Variants in GLT1D1 observed in about 807,000 individuals in gnomAD.
The protein encoded by GLT1D1 is glycosyltransferase 1 domain containing 1.
In GLT1D1, 21 loss-of-function variants were observed where a neutral mutation model predicts 28.7. The ratio of observed to expected loss-of-function variants is 0.73; its 90% CI spans 0.52 to 1.05. The LOEUF (loss-of-function observed/expected upper bound fraction) is 1.05, where lower values mean the gene tolerates loss of function less well. GLT1D1 is among the 50% of genes least tolerant of loss of function. The pLI is 0.00. For missense variants in GLT1D1, 343 were observed against 330.6 expected (o/e 1.04, Z -0.29); for synonymous variants, 147 against 124.8 (o/e 1.18, Z -1.19).
intron 4 of GLT1D1, 35 bp downstream of exon 4, chr12:128,899,322 G>A (rs767051067): frequency 6.3e-7 from 1 of 1,589,778 alleles, no homozygotes; most frequent in Non-Finnish European, 8.6e-7. Context: ...TTTTGGTTGT[G>A]CTGATGAAAT....
At chr12:128,934,198 CTTTTTT>C (rs1228657723) in intron 4 of GLT1D1, among the ~76,000 whole-genome samples, 1 of 73,414 alleles carries the variant, frequency 1.4e-5, no homozygotes, top group African/African-American at 4.4e-5. Context: ...AAGAGACAGT[CTTTTTT>C]TTTTTTTTTT....
intron 4 of GLT1D1, among the ~76,000 whole-genome samples, chr12:128,919,345 G>A (rs1872419067): frequency 6.6e-6 from 1 of 152,186 alleles, no homozygotes; most frequent in South Asian, 2.1e-4. Flanking sequence ...AAATCAGGGG[G>A]AGTGGGTGGG....
intron 4 of GLT1D1, among the ~76,000 whole-genome samples, chr12:128,904,979 G>A (rs1017935510): frequency 6.6e-6 from 1 of 152,118 alleles, no homozygotes; most frequent in Admixed American, 6.6e-5. Context: ...ATGTTGGCCA[G>A]GCTGGTCTCG....
chr12:128,942,580 T>A (rs35734875), intron 4 of GLT1D1, among the ~76,000 whole-genome samples: 20,133 of 151,602 alleles, frequency 0.13, 3,786 homozygotes, highest in African/African-American at 0.42. Context: ...GTTTCATTTG[T>A]TCTGGCACCA....
At chr12:128,943,197 C>T (rs1875558840) in intron 4 of GLT1D1, among the ~76,000 whole-genome samples, 1 of 152,196 alleles carries the variant, frequency 6.6e-6, no homozygotes, top group African/African-American at 2.4e-5. Flanking sequence ...CCTGGTTAAC[C>T]TATTGTGTAA....
intron 4 of GLT1D1, chr12:128,930,125 T>G (rs1462921410): frequency 6.6e-6 from 1 of 152,226 alleles, no homozygotes; most frequent in Non-Finnish European, 1.5e-5. Context: ...GTGCTAGCAT[T>G]GTAGTAGTAA....
At chr12:128,878,050 C>T (rs911764094) in intron 2 of GLT1D1, among the ~76,000 whole-genome samples, 1 of 152,208 alleles carries the variant, frequency 6.6e-6, no homozygotes, top group African/African-American at 2.4e-5. Flanking sequence ...TGGAATTTGC[C>T]TTATTTTTCA....
intron 4 of GLT1D1, among the ~76,000 whole-genome samples, chr12:128,941,905 C>CTCTCTCTTTTTTTTTTTTTTTTTTTT (rs1875313792): frequency 1.3e-5 from 1 of 75,366 alleles, no homozygotes; most frequent in African/African-American, 5.5e-5. Flanking sequence ...CTCTCTCTCT[C>CTCTCTCTTTTTTTTTTTTTTTTTTTT]TTTTTTTTTT....
intron 4 of GLT1D1, among the ~76,000 whole-genome samples, chr12:128,903,826 G>A (rs1051905361): frequency 2.0e-5 from 3 of 151,792 alleles, no homozygotes; most frequent in Non-Finnish European, 4.4e-5. Flanking sequence ...TGCCTCCCAA[G>A]TTCAAGCTAT....
chr12:128,933,283 G>T (rs555606196), intron 4 of GLT1D1, among the ~76,000 whole-genome samples: 10 of 152,264 alleles, frequency 6.6e-5, no homozygotes, highest in African/African-American at 2.2e-4. Context: ...CGCAGGCGGC[G>T]CCCGTGCGCA....
intron 7 of GLT1D1, among the ~76,000 whole-genome samples, chr12:128,978,966 G>T (rs1301560210): frequency 3.9e-5 from 6 of 152,114 alleles, no homozygotes; most frequent in African/African-American, 1.4e-4. Context: ...GTTTCCGCTG[G>T]CTGCTTTACT....
At position 128,875,851 on chromosome 12, in the gene GLT1D1, G is replaced by C. The variant is rs945112251; in HGVS notation, c.69-63G>C. 6 of 1,418,714 alleles carry C rather than the reference G, an allele frequency of 4.2e-6. No homozygotes were observed. The African/African-American group carries it at 7.3e-5, about 17-fold the overall frequency. 87.9% of individuals were successfully genotyped at this position (1,418,714 alleles called of 1,614,324 possible). A position where few individuals can be genotyped will look rare whatever the true frequency, so the allele number is the denominator to read the frequency against. ...AAAAAAAAAAGTCTTAACTGTAGCA[G>C]CAACCTGTTACATATTAACATTTTC... is the stretch of plus-strand genomic sequence containing the variant. On this transcript the variant is annotated intron_variant, in intron 1 of 7. Transcript: ENST00000281703.
At chr12:128,953,028 C>A (rs898654778) in intron 6 of GLT1D1, among the ~76,000 whole-genome samples, 1 of 149,866 alleles carries the variant, frequency 6.7e-6, no homozygotes, top group Non-Finnish European at 1.5e-5. Flanking sequence ...GTGATCCTCC[C>A]ACCTCAGCCT....
chr12:128,880,898 T>C (rs1439358309), intron 2 of GLT1D1, among the ~76,000 whole-genome samples: 2 of 152,230 alleles, frequency 1.3e-5, no homozygotes, highest in East Asian at 3.9e-4. Context: ...AAAGATATAA[T>C]TTTACAATTA....
Position 128,983,342 on chromosome 12 carries a change from A to C in GLT1D1, c.*252A>C. ...TGCATGAGTGACTGGGTTGACTGGG[A>C]CAGGGAAAGGGGAACTGGTTTTCAG... On this transcript the variant is annotated 3_prime_UTR_variant, in exon 8 of 8. Coordinates refer to ENST00000281703, the MANE Select transcript of GLT1D1 (RefSeq NM_144669.3). The surrounding 1 kb of genome is among the most constrained non-coding windows in gnomAD (Gnocchi z 4.7). 2.2e-6 allele frequency: 1 copy of C among 445,826 alleles called. No individual in the cohort carries two copies. The highest frequency in any genetic ancestry group is 1.9e-5 in the African/African-American group (1 of 51,782). The allele number at this position is 445,826 out of a possible 1,614,324, so 27.6% of individuals were successfully genotyped here.
Position 128,965,801 on chromosome 12 carries a change from G to A in GLT1D1, c.639+8158G>A, listed in dbSNP as rs144918828. Among the ~76,000 whole-genome samples the A allele has an allele frequency of 1.7e-4, 26 of 152,224 alleles. No homozygotes were observed. In the East Asian group the frequency reaches 4.2e-3, roughly 25 times the overall value. On this transcript the variant is annotated intron_variant, in intron 7 of 7. Transcript: ENST00000281703. ...TCCCAGCTACTGGGGAGGCTGAGGC[G>A]GGAGGACCGCTTTAGCCTGGGTGAT...
Position 128,923,170 on chromosome 12 carries a change from T to C in GLT1D1, c.376-22156T>C, listed in dbSNP as rs139485844. ...CCATAAGTCATTATATTCACACTAGTTGTATTCTTGTTCAAGATTTGGAAT... is the reference window on the plus strand; with the variant it reads ...CCATAAGTCATTATATTCACACTAGCTGTATTCTTGTTCAAGATTTGGAAT... On this transcript the variant is annotated intron_variant, in intron 4 of 7. Transcript: ENST00000281703. 1.6e-3 allele frequency among the ~76,000 whole-genome samples: 241 copies of C among 152,266 alleles called. 1 individual carries two copies. The highest frequency in any genetic ancestry group is 5.6e-3 in the African/African-American group (233 of 41,550).
At chr12:128,954,647 T>C (rs1269714043) in intron 6 of GLT1D1, among the ~76,000 whole-genome samples, 1 of 152,154 alleles carries the variant, frequency 6.6e-6, no homozygotes, top group African/African-American at 2.4e-5. Context: ...GTAAATTCTG[T>C]AGTATTAAGC....
At position 128,984,877 on chromosome 12, in the gene GLT1D1, CCTT is replaced by C. The variant is rs1214205202; in HGVS notation, c.*1790_*1792del. The C allele has an allele frequency of 6.6e-6, 1 of 152,240 alleles. No homozygotes were observed. The highest frequency in any genetic ancestry group is 2.4e-5 in the African/African-American group (1 of 41,474). 9.4% of individuals were successfully genotyped at this position (152,240 alleles called of 1,614,324 possible). A position where few individuals can be genotyped will look rare whatever the true frequency, so the allele number is the denominator to read the frequency against. ...CGTACCTCCACATCACTATTCATGT[CCTT>C]CTAGGAAAATGTGCACATGCCTCAC... On this transcript the variant is annotated 3_prime_UTR_variant, in exon 8 of 8. Coordinates refer to ENST00000281703, the MANE Select transcript of GLT1D1 (RefSeq NM_144669.3).
Sources: gnomAD v4.1 joint callset for allele counts (sites outside exome capture counted in the v4.1 genomes callset) on GRCh38, gnomAD v4.1.1 for gene constraint, Gnocchi (gnomAD v3.1) non-coding constraint, MANE v1.5 for transcripts, NCBI Gene and HGNC (gene_info 2026-07-23, HGNC 2026-07-21) for gene names.